CLIC4: variants seen among roughly 807,000 people sequenced by gnomAD.
The protein encoded by CLIC4 is chloride intracellular channel protein 4.
In CLIC4, 13 loss-of-function variants were observed where a neutral mutation model predicts 24.6. That is an observed-to-expected ratio of 0.53 (90% CI 0.34 to 0.84). The LOEUF (loss-of-function observed/expected upper bound fraction) is 0.84, where lower values mean the gene tolerates loss of function less well. Ranked by LOEUF, CLIC4 falls within the 40% of genes least tolerant of loss-of-function variation. The pLI, the probability that CLIC4 is intolerant of heterozygous loss-of-function variation, is 0.01. For missense variants in CLIC4, 227 were observed against 301.7 expected, an observed-to-expected ratio of 0.75 and a Z score of 1.83; for synonymous variants, 104 against 111.3, an observed-to-expected ratio of 0.93 and a Z score of 0.41.
intron 4 of CLIC4, among the ~76,000 whole-genome samples, chr1:24,828,175 A>G (rs1432611730): frequency 1.3e-5 from 2 of 152,208 alleles, no homozygotes; most frequent in African/African-American, 4.8e-5. Context: ...AAATGCTGCA[A>G]TTTTAAAATT....
intron 1 of CLIC4, among the ~76,000 whole-genome samples, chr1:24,788,520 G>A (rs1557802914): frequency 1.3e-5 from 2 of 152,160 alleles, no homozygotes; most frequent in African/African-American, 2.4e-5. Flanking sequence ...CGTTATAGTT[G>A]TCCCTGTATC....
intron 3 of CLIC4, among the ~76,000 whole-genome samples, chr1:24,826,194 A>G (rs1323078406): frequency 3.9e-5 from 6 of 152,232 alleles, no homozygotes; most frequent in African/African-American, 1.4e-4. Context: ...GAAAAATTTG[A>G]CAACACAATA....
chr1:24,839,546 G>T (rs1639920150), intron 4 of CLIC4, among the ~76,000 whole-genome samples: 1 of 152,144 alleles, frequency 6.6e-6, no homozygotes, highest in African/African-American at 2.4e-5. Context: ...TGATCTGCCT[G>T]CCTCGGCCTC....
At chr1:24,789,529 A>T (rs1639309395) in intron 1 of CLIC4, among the ~76,000 whole-genome samples, 1 of 152,094 alleles carries the variant, frequency 6.6e-6, no homozygotes, top group South Asian at 2.1e-4. Flanking sequence ...AAACAAATAA[A>T]CAAACAAAAA....
intron 1 of CLIC4, among the ~76,000 whole-genome samples, chr1:24,777,267 C>G (rs1352473304): frequency 6.6e-6 from 1 of 152,142 alleles, no homozygotes; most frequent in Non-Finnish European, 1.5e-5. Context: ...GGTTTCAGGC[C>G]AGGCACGGTG....
chr1:24,752,606 G>A (rs543564715), intron 1 of CLIC4, among the ~76,000 whole-genome samples: 34 of 152,292 alleles, frequency 2.2e-4, no homozygotes, highest in African/African-American at 7.0e-4. Context: ...TAATCACATA[G>A]CTTCATCTGC....
intron 2 of CLIC4, among the ~76,000 whole-genome samples, chr1:24,801,221 T>G (rs1336034583): frequency 6.6e-6 from 1 of 152,224 alleles, no homozygotes; most frequent in Non-Finnish European, 1.5e-5. Context: ...AAGAACTACC[T>G]GAGACTGGGT....
At chr1:24,759,824 C>T (rs190529182) in intron 1 of CLIC4, among the ~76,000 whole-genome samples, 6 of 152,050 alleles carry the variant, frequency 3.9e-5, no homozygotes, top group African/African-American at 9.6e-5. Context: ...TGTGGTGGCA[C>T]GTGCCTGTAT....
intron 1 of CLIC4, among the ~76,000 whole-genome samples, chr1:24,775,939 A>G (rs1373519276): frequency 6.6e-6 from 1 of 151,908 alleles, no homozygotes; most frequent in East Asian, 1.9e-4. Flanking sequence ...TTATATATAT[A>G]AATTTTGTTA....
At chr1:24,814,499 A>G (rs1177833324) in intron 3 of CLIC4, among the ~76,000 whole-genome samples, 1 of 152,186 alleles carries the variant, frequency 6.6e-6, no homozygotes, top group Non-Finnish European at 1.5e-5. Context: ...TGTGGACTGT[A>G]GGTCTCAAAC....
chr1:24,768,502 T>C lies in CLIC4; in HGVS notation c.72+22877T>C, dbSNP rs915382152. On this transcript the variant is annotated intron_variant, in intron 1 of 5. Transcript: ENST00000374379. ...AGATAGTGTAGATCTACAGGTTTTA[T>C]ATTTAGTAATTTTTAAGGAGTAAAA... 3.9e-5 allele frequency among the ~76,000 whole-genome samples: 5 copies of C among 126,886 alleles called. No individual in the cohort carries two copies. In the Admixed American group the frequency reaches 4.2e-4, roughly 11 times the overall value. 83.2% of individuals were successfully genotyped at this position (126,886 alleles called of 152,430 possible).
chr1:24,816,383 G>A (rs1313793549), intron 3 of CLIC4, among the ~76,000 whole-genome samples: 13 of 151,896 alleles, frequency 8.6e-5, no homozygotes, highest in Non-Finnish European at 1.9e-4. Flanking sequence ...GGGATTACAG[G>A]TGCCTGCCGC....
intron 1 of CLIC4, among the ~76,000 whole-genome samples, chr1:24,769,608 G>A (rs1241697480): frequency 1.3e-5 from 2 of 151,780 alleles, no homozygotes; most frequent in Non-Finnish European, 2.9e-5. Context: ...AATTTCTTAT[G>A]TTCTGTTTTC....
intron 1 of CLIC4, among the ~76,000 whole-genome samples, chr1:24,770,729 CTTCT>C (rs1285587095): frequency 2.7e-5 from 4 of 150,890 alleles, no homozygotes; most frequent in Non-Finnish European, 3.0e-5. Flanking sequence ...ACCAATTCTT[CTTCT>C]TTTTTTTTTG....
At chr1:24,816,303 G>C (rs1419244729) in intron 3 of CLIC4, among the ~76,000 whole-genome samples, 3 of 140,668 alleles carry the variant, frequency 2.1e-5, no homozygotes, top group African/African-American at 7.9e-5. Context: ...GCAGTGATGC[G>C]ATCTCGGCTC....
At chr1:24,813,381 T>A (rs11249176) in intron 2 of CLIC4, among the ~76,000 whole-genome samples, 148,388 of 152,192 alleles carry the variant, frequency 0.98, 72,421 homozygotes, top group East Asian at 1. Flanking sequence ...ATACTTTAAA[T>A]TTTAGAACCA....
At chr1:24,787,716 T>G (rs981673938) in intron 1 of CLIC4, among the ~76,000 whole-genome samples, 1 of 151,402 alleles carries the variant, frequency 6.6e-6, no homozygotes, top group African/African-American at 2.4e-5. Flanking sequence ...TTTTTTTTTT[T>G]TTGTATATTT....
chr1:24,790,013 T>C (rs554906658), intron 1 of CLIC4, among the ~76,000 whole-genome samples: 24 of 152,368 alleles, frequency 1.6e-4, no homozygotes, highest in Non-Finnish European at 2.5e-4. Context: ...TGCTTTGTTA[T>C]AACCAGGTAG....
chr1:24,755,107 G>A (rs1156697955), intron 1 of CLIC4, among the ~76,000 whole-genome samples: 1 of 149,866 alleles, frequency 6.7e-6, no homozygotes, highest in Non-Finnish European at 1.5e-5. Flanking sequence ...GGGCAAAATA[G>A]TGAGTCCTCA....
Sources: gnomAD v4.1 joint callset for allele counts (sites outside exome capture counted in the v4.1 genomes callset) on GRCh38, gnomAD v4.1.1 for gene constraint, MANE v1.5 for transcripts, NCBI Gene and HGNC (gene_info 2026-07-23, HGNC 2026-07-21) for gene names.